The following EDIL3 variants were observed in gnomAD, a reference collection of about 807,000 sequenced individuals.
The protein encoded by EDIL3 is EGF-like repeat and discoidin I-like domain-containing protein 3.
In EDIL3, 37 loss-of-function variants were observed where a neutral mutation model predicts 67.4. The ratio of observed to expected loss-of-function variants is 0.55; its 90% CI spans 0.42 to 0.72. EDIL3 has a LOEUF of 0.72. EDIL3 is among the 30% of genes least tolerant of loss of function. The pLI, the probability that EDIL3 is intolerant of heterozygous loss-of-function variation, is 0.00. For missense variants in EDIL3, 527 were observed against 586.3 expected (o/e 0.90, Z 1.04); for synonymous variants, 195 against 196.3 (o/e 0.99, Z 0.05).
intron 1 of EDIL3, among the ~76,000 whole-genome samples, chr5:84,295,799 G>A (rs963717196): frequency 6.6e-6 from 1 of 152,008 alleles, no homozygotes; most frequent in Non-Finnish European, 1.5e-5. Context: ...CACACCATTT[G>A]CTATGTTTTA....
At chr5:84,024,399 A>G (rs1310561315) in intron 9 of EDIL3, among the ~76,000 whole-genome samples, 1 of 150,356 alleles carries the variant, frequency 6.7e-6, no homozygotes, top group African/African-American at 2.5e-5. Flanking sequence ...CTGTCTAGTA[A>G]TACATCAAGT....
chr5:84,340,671 T>C (rs1747092404), intron 1 of EDIL3, among the ~76,000 whole-genome samples: 1 of 151,140 alleles, frequency 6.6e-6, no homozygotes, highest in African/African-American at 2.4e-5. Flanking sequence ...TTTAATAGCA[T>C]GCCCATTGCA....
intron 1 of EDIL3, among the ~76,000 whole-genome samples, chr5:84,282,481 T>C (rs988709072): frequency 1.3e-5 from 2 of 152,210 alleles, no homozygotes; most frequent in Non-Finnish European, 2.9e-5. Flanking sequence ...CATTTTATTG[T>C]ATAAATCTAC....
chr5:84,029,530 C>A (rs908375313), intron 9 of EDIL3, among the ~76,000 whole-genome samples: 3 of 151,952 alleles, frequency 2.0e-5, no homozygotes, highest in Non-Finnish European at 4.4e-5. Flanking sequence ...TACATATTTA[C>A]CTTTCATGAA....
intron 1 of EDIL3, among the ~76,000 whole-genome samples, chr5:84,344,023 T>C (rs933849362): frequency 4.6e-5 from 7 of 152,102 alleles, no homozygotes; most frequent in Non-Finnish European, 2.9e-5. Context: ...GTTCCCTCAA[T>C]AGAAGAATTC....
intron 1 of EDIL3, among the ~76,000 whole-genome samples, chr5:84,256,135 T>C (rs1745119158): frequency 1.0e-5 from 1 of 98,306 alleles, no homozygotes; most frequent in Non-Finnish European, 2.1e-5. Context: ...TATCTATCTA[T>C]CTATCTATCT....
At chr5:84,018,946 G>A (rs1193036379) in intron 9 of EDIL3, among the ~76,000 whole-genome samples, 1 of 152,148 alleles carries the variant, frequency 6.6e-6, no homozygotes, top group Non-Finnish European at 1.5e-5. Context: ...CACTGTTGGT[G>A]GGACTGTAAA....
chr5:84,363,625 A>AT (rs1194381006), intron 1 of EDIL3, among the ~76,000 whole-genome samples: 1 of 152,112 alleles, frequency 6.6e-6, no homozygotes, highest in African/African-American at 2.4e-5. Context: ...AGTTAATCTC[A>AT]TTTTTGTGCA....
Position 84,050,614 on chromosome 5 carries a change from C to T in EDIL3, c.1137+9686G>A, listed in dbSNP as rs545735354. 3.0e-4 allele frequency among the ~76,000 whole-genome samples: 45 copies of T among 152,338 alleles called. 1 individual carries two copies. In the South Asian group the frequency reaches 9.1e-3, roughly 31 times the overall value. Reference sequence around the variant, plus strand: ...CCTGGAAAATCCGGTCACTCCCACCCTAATATTGTGCTTTTCCAGTGGTCT... The same window carrying T: ...CCTGGAAAATCCGGTCACTCCCACCTTAATATTGTGCTTTTCCAGTGGTCT... On this transcript the variant is annotated intron_variant, in intron 9 of 10. Coordinates refer to ENST00000296591, the MANE Select transcript of EDIL3 (RefSeq NM_005711.5).
chr5:84,153,004 A>T (rs1362960156), intron 4 of EDIL3, among the ~76,000 whole-genome samples: 6 of 152,216 alleles, frequency 3.9e-5, no homozygotes, highest in Non-Finnish European at 5.9e-5. Context: ...TTTTGTACAG[A>T]TAAGCACAAC....
chr5:84,355,892 C>A (rs1747469343), intron 1 of EDIL3, among the ~76,000 whole-genome samples: 1 of 152,182 alleles, frequency 6.6e-6, no homozygotes, highest in Non-Finnish European at 1.5e-5. Flanking sequence ...CACAGCCACC[C>A]CTTCCCCTAG....
chr5:83,946,460 A>G lies in EDIL3; in HGVS notation c.1294-2892T>C, dbSNP rs77258230. ...AAGAGAAGATAAGAGAAAGAAAAAT[A>G]CAACTCCCTCAATGTAGCTATCTTG... On this transcript the variant is annotated intron_variant, in intron 10 of 10. Transcript: ENST00000296591. Among the ~76,000 whole-genome samples, 20 of 152,062 alleles carry G rather than the reference A, an allele frequency of 1.3e-4. No individual in the cohort carries two copies. In the East Asian group the frequency reaches 3.9e-3, roughly 30 times the overall value.
intron 9 of EDIL3, among the ~76,000 whole-genome samples, chr5:83,967,346 C>T (rs1157873990): frequency 6.6e-6 from 1 of 151,922 alleles, no homozygotes; most frequent in East Asian, 1.9e-4. Context: ...AATAAAACAA[C>T]AAATTTTATA....
intron 9 of EDIL3, among the ~76,000 whole-genome samples, chr5:83,972,130 A>G (rs754915578): frequency 3.9e-5 from 6 of 152,162 alleles, no homozygotes; most frequent in Non-Finnish European, 8.8e-5. Context: ...TATCTACTGA[A>G]TGAACAGTTT....
At chr5:84,156,582 G>C (rs1480339631) in intron 4 of EDIL3, among the ~76,000 whole-genome samples, 1 of 152,080 alleles carries the variant, frequency 6.6e-6, no homozygotes, top group Non-Finnish European at 1.5e-5. Flanking sequence ...GAGAATAAGG[G>C]GATGCTAAAT....
Position 84,185,031 on chromosome 5 carries a change from A to G in EDIL3, c.227-4510T>C, listed in dbSNP as rs144258972. 3.0e-3 allele frequency among the ~76,000 whole-genome samples: 454 copies of G among 152,326 alleles called. 6 individuals are homozygous for G. The highest frequency in any genetic ancestry group is 0.026 in the Admixed American group (405 of 15,300). On this transcript the variant is annotated intron_variant, in intron 3 of 10. Coordinates refer to ENST00000296591, the MANE Select transcript of EDIL3 (RefSeq NM_005711.5). ...GAGTCCCTTGCATGCATGCTAGACA[A>G]TATGAGTGTACATATTATCTTTATA...
chr5:84,099,947 T>A (rs967464529), intron 6 of EDIL3, among the ~76,000 whole-genome samples: 3 of 151,918 alleles, frequency 2.0e-5, no homozygotes, highest in Non-Finnish European at 4.4e-5. Flanking sequence ...GAAGAAGACA[T>A]TTGTGCAGCC....
intron 1 of EDIL3, among the ~76,000 whole-genome samples, chr5:84,258,260 T>G (rs1283042577): frequency 3.3e-5 from 5 of 151,884 alleles, no homozygotes; most frequent in Non-Finnish European, 7.4e-5. Context: ...AATGACAAAA[T>G]GAGGAGGAAG....
In EDIL3 at chr5:83,947,664, T is replaced by C. The variant is rs77195241; in HGVS notation, c.1294-4096A>G. Reference sequence around the variant, plus strand: ...TGGAACTTTCAGCCTATTCATGGCATGCCTCAATACAATAGGACAGGTATG... The same window carrying C: ...TGGAACTTTCAGCCTATTCATGGCACGCCTCAATACAATAGGACAGGTATG... On this transcript the variant is annotated intron_variant, in intron 10 of 10. Transcript: ENST00000296591. Among the ~76,000 whole-genome samples the C allele has an allele frequency of 4.6e-3, 704 of 151,978 alleles. 3 individuals are homozygous for C. Among genetic ancestry groups the C allele is most frequent in the Non-Finnish European group, 8.0e-3 (546 of 67,876 alleles).
Sources: gnomAD v4.1 joint callset for allele counts (sites outside exome capture counted in the v4.1 genomes callset) on GRCh38, gnomAD v4.1.1 for gene constraint, MANE v1.5 for transcripts, NCBI Gene and HGNC (gene_info 2026-07-23, HGNC 2026-07-21) for gene names.